TPX2: variants seen among roughly 807,000 people sequenced by gnomAD.
The protein encoded by TPX2 is targeting protein for Xklp2.
A neutral mutation model predicts 93.6 loss-of-function variants in TPX2; 21 were observed. The ratio of observed to expected loss-of-function variants is 0.22; its 90% CI spans 0.16 to 0.32. TPX2 has a LOEUF of 0.32. Among genes scored for constraint, TPX2 ranks in the 10% least tolerant of loss-of-function variants. The pLI, the probability that TPX2 is intolerant of heterozygous loss-of-function variation, is 1.00. For missense variants in TPX2, 776 were observed against 871.1 expected, an observed-to-expected ratio of 0.89 and a Z score of 1.37; for synonymous variants, 281 against 298.3, an observed-to-expected ratio of 0.94 and a Z score of 0.60.
intron 16 of TPX2, 46 bp from the exon 17 acceptor site, chr20:31,798,319 G>A (rs2062150592): frequency 6.2e-7 from 1 of 1,611,980 alleles, no homozygotes; most frequent in Middle Eastern, 1.7e-4. Flanking sequence ...GTAGGTTTAT[G>A]CAAGTCCTGC....
chr20:31,741,697 T>TCTCATGACCTCGTAATCAG (rs2061754170), intron 1 of TPX2, among the ~76,000 whole-genome samples: 1 of 152,166 alleles, frequency 6.6e-6, no homozygotes, highest in African/African-American at 2.4e-5. Flanking sequence ...GCCAGGATGG[T>TCTCATGACCTCGTAATCAG]CTCAATCTCC....
At chr20:31,771,102 T>G (rs888174867) in intron 6 of TPX2, among the ~76,000 whole-genome samples, 1 of 152,186 alleles carries the variant, frequency 6.6e-6, no homozygotes, top group Admixed American at 6.5e-5. Flanking sequence ...CAGCAACCCT[T>G]AAATTTCATT....
chr20:31,755,448 A>G, intron 2 of TPX2, among the ~76,000 whole-genome samples: 1 of 152,018 alleles, frequency 6.6e-6, no homozygotes, highest in East Asian at 1.9e-4. Context: ...CCCTTCTAAG[A>G]TACAGATACT....
At position 31,781,318 on chromosome 20, in the gene TPX2, G is replaced by A. The variant is rs919327885; in HGVS notation, c.1055-931G>A. Among the ~76,000 whole-genome samples the A allele has an allele frequency of 2.8e-5, 4 of 144,674 alleles. No homozygotes were observed. In the South Asian group the frequency reaches 8.6e-4, roughly 31 times the overall value. The allele number at this position is 144,674 out of a possible 152,430, so 94.9% of individuals were successfully genotyped here. ...GTCGCCTAGGCCAGAGTGCAGTGGC[G>A]CTCATTTGGCTCACTTGGCTCACTG... On this transcript the variant is annotated intron_variant, in intron 10 of 17. Coordinates refer to ENST00000300403, the MANE Select transcript of TPX2 (RefSeq NM_012112.5).
chr20:31,794,104 C>G (rs752795252), intron 14 of TPX2, 80 bp downstream of exon 14: 49 of 1,390,588 alleles, frequency 3.5e-5, no homozygotes, highest in Non-Finnish European at 4.6e-5. Flanking sequence ...GCACTTTTAA[C>G]TATAAAATCA....
chr20:31,799,420 G>C (rs918806498), intron 17 of TPX2, among the ~76,000 whole-genome samples: 2 of 152,174 alleles, frequency 1.3e-5, no homozygotes, highest in African/African-American at 4.8e-5. Flanking sequence ...CTTGAAAACT[G>C]TAAAGAAAGT....
intron 2 of TPX2, among the ~76,000 whole-genome samples, chr20:31,750,145 C>T (rs1379107560): frequency 1.3e-5 from 2 of 150,660 alleles, no homozygotes; most frequent in Non-Finnish European, 1.5e-5. Context: ...CCATGTTGGC[C>T]AGGATGGTCT....
At chr20:31,776,029 T>C (rs2061994933) in intron 8 of TPX2, 41 bp downstream of exon 8, 1 of 1,121,042 alleles carries the variant, frequency 8.9e-7, no homozygotes, top group Non-Finnish European at 1.2e-6. Context: ...TGAGGGGTGG[T>C]TCTTAACACT....
At chr20:31,792,972 T>C in intron 13 of TPX2, 142 bp downstream of exon 13, 1 of 724,850 alleles carries the variant, frequency 1.4e-6, no homozygotes, top group East Asian at 2.6e-5. Context: ...GAACATTTGT[T>C]CATTTTTTTT....
At chr20:31,776,247 A>G (rs2061998844) in intron 8 of TPX2, among the ~76,000 whole-genome samples, 1 of 148,840 alleles carries the variant, frequency 6.7e-6, no homozygotes, top group Admixed American at 6.7e-5. Context: ...CGCCCGGCTA[A>G]TTTTTTGTAT....
rs1347901381 is a variant in TPX2, at chr20:31,798,538, C to T, written c.2119C>T (p.Leu707=). 1 of 1,607,862 alleles carries T rather than the reference C, an allele frequency of 6.2e-7. No homozygotes were observed. The change falls in exon 17 of 18, where the codon CTA becomes TTA. Residue 707 remains leucine (L), a synonymous_variant. Transcript: ENST00000300403. Reference sequence around the variant, plus strand: ...GCAGAAAAAAGAGGAGCTGGCCAGGCTACGGAGAGAACTGGTAACTGGGAG... The same window carrying T: ...GCAGAAAAAAGAGGAGCTGGCCAGGTTACGGAGAGAACTGGTAACTGGGAG... The part of the protein sequence containing the change: ...EEQKKEELAR[L]RRELVHKANP...
intron 12 of TPX2, among the ~76,000 whole-genome samples, chr20:31,785,722 T>C (rs2062062010): frequency 1.3e-5 from 2 of 152,306 alleles, no homozygotes; most frequent in South Asian, 4.1e-4. Flanking sequence ...GGTCTCGAAC[T>C]CCTGACCTCA....
chr20:31,772,166 G>C (rs1263098370), intron 7 of TPX2, among the ~76,000 whole-genome samples: 1 of 151,866 alleles, frequency 6.6e-6, no homozygotes, highest in African/African-American at 2.4e-5. Context: ...GATTACAGGT[G>C]TGCACCACCA....
intron 12 of TPX2, among the ~76,000 whole-genome samples, chr20:31,785,663 A>C (rs1439518113): frequency 6.6e-6 from 1 of 151,906 alleles, no homozygotes; most frequent in African/African-American, 2.4e-5. Flanking sequence ...ACGCCTGGCT[A>C]ATTTTCGTAT....
intron 12 of TPX2, 57 bp from the exon 13 acceptor site, chr20:31,792,678 A>G (rs1022279693): frequency 1.8e-5 from 27 of 1,477,572 alleles, no homozygotes; most frequent in Non-Finnish European, 1.7e-5. Context: ...TAATCTTCTC[A>G]TACAGCTTAG....
Position 31,766,568 on chromosome 20 carries a change from A to G in TPX2, c.242A>G (p.Tyr81Cys), listed in dbSNP as rs778632538. ...TGGTCTTCCGCAGTTGACAACACTT[A>G]CTACAAAGAGGCAGAAAAAGAAAAT... ...VTPLKPVDNT[Y>C]YKEAEKENLV... is the part of the protein sequence containing the mutation. Residue 81 changes from tyrosine (Y) to cysteine (C), a missense_variant, in exon 5 of 18, where the codon TAC (tyrosine) becomes TGC (cysteine). Tyr to Cys is a radical substitution (Grantham distance 194). Transcript: ENST00000300403. 1 of 1,612,562 alleles carries G rather than the reference A, an allele frequency of 6.2e-7. No homozygotes were observed. The highest frequency in any genetic ancestry group is 1.7e-5 in the Admixed American group (1 of 59,724).
chr20:31,746,072 T>G (rs183833795), intron 2 of TPX2, among the ~76,000 whole-genome samples: 1 of 152,190 alleles, frequency 6.6e-6, no homozygotes, highest in Non-Finnish European at 1.5e-5. Context: ...AGAACAAGTG[T>G]CCATGTGTCC....
chr20:31,772,086 T>A lies in TPX2; in HGVS notation c.608+404T>A, dbSNP rs576779744. Among the ~76,000 whole-genome samples, 9 of 149,812 alleles carry A rather than the reference T, an allele frequency of 6.0e-5. No homozygotes were observed. The South Asian group carries it at 1.9e-3, about 31-fold the overall frequency. ...CCCAGGCTGGAGTGCAGTGGCATGA[T>A]CTTGGCTTACTGCAACCTCTGCCTC... On this transcript the variant is annotated intron_variant, in intron 7 of 17. Coordinates refer to ENST00000300403, the MANE Select transcript of TPX2 (RefSeq NM_012112.5).
At chr20:31,794,125 T>C in intron 14 of TPX2, 101 bp downstream of exon 14, 2 of 1,259,858 alleles carry the variant, frequency 1.6e-6, no homozygotes, top group Non-Finnish European at 2.2e-6. Flanking sequence ...CTGACTTCTT[T>C]TGATCTTTCT....
Sources: allele counts gnomAD v4.1 joint callset (sites outside exome capture counted in the v4.1 genomes callset), GRCh38; gene constraint gnomAD v4.1.1; transcripts MANE v1.5; gene names NCBI Gene and HGNC (gene_info 2026-07-23, HGNC 2026-07-21).